Variants in XKR6 observed in about 807,000 individuals in gnomAD.
XKR6 encodes the protein XK-related protein 6.
XKR6 carries 22 observed loss-of-function variants against 56.7 expected under a neutral mutation model. The observed-to-expected ratio is 0.39, with a 90% CI of 0.28 to 0.55. The LOEUF is 0.55. Ranked by LOEUF, XKR6 falls within the 20% of genes least tolerant of loss-of-function variation. The pLI is 0.66. For synonymous variants in XKR6, 524 were observed against 387.8 expected (o/e 1.35, Z -4.13); for missense variants, 852 against 889.0 (o/e 0.96, Z 0.53).
At chr8:11,012,205 C>A (rs1270270855) in intron 1 of XKR6, among the ~76,000 whole-genome samples, 1 of 152,216 alleles carries the variant, frequency 6.6e-6, no homozygotes, top group Non-Finnish European at 1.5e-5. Context: ...CCCCACTCCC[C>A]AGCCCTGACA....
chr8:11,149,437 C>G (rs555123454), intron 1 of XKR6, among the ~76,000 whole-genome samples: 3 of 152,294 alleles, frequency 2.0e-5, no homozygotes, highest in African/African-American at 7.2e-5. Context: ...ACCAAAATGT[C>G]ATTATGCACC....
intron 1 of XKR6, among the ~76,000 whole-genome samples, chr8:11,076,323 G>A (rs1285469380): frequency 1.3e-5 from 2 of 152,132 alleles, no homozygotes; most frequent in African/African-American, 2.4e-5. Context: ...CAAGGTGAAT[G>A]TTCTTAACAC....
In XKR6 at chr8:11,083,015, G is replaced by T. The variant is rs537138789; in HGVS notation, c.764+117561C>A. On this transcript the variant is annotated intron_variant, in intron 1 of 2. Transcript: ENST00000416569. ...TCCCAGCCCTTTCTGCACAGGCAGC[G>T]CACAGCACTCCGTGTGCTTTAGAAT... Among the ~76,000 whole-genome samples, 8 of 152,296 alleles carry T rather than the reference G, an allele frequency of 5.3e-5. No individual in the cohort carries two copies. In the East Asian group the frequency reaches 1.4e-3, roughly 26 times the overall value.
intron 1 of XKR6, among the ~76,000 whole-genome samples, chr8:11,163,681 A>G (rs1801934311): frequency 6.6e-6 from 1 of 152,204 alleles, no homozygotes; most frequent in Non-Finnish European, 1.5e-5. Flanking sequence ...GCTACCCCAG[A>G]CCACATTTCT....
chr8:11,158,379 T>C (rs1801631250), intron 1 of XKR6, among the ~76,000 whole-genome samples: 1 of 152,112 alleles, frequency 6.6e-6, no homozygotes, highest in African/African-American at 2.4e-5. Flanking sequence ...CCACAAAGAC[T>C]ACAAGCAAGA....
chr8:10,903,768 C>G (rs1800107444), intron 2 of XKR6, among the ~76,000 whole-genome samples: 2 of 152,154 alleles, frequency 1.3e-5, no homozygotes, highest in Non-Finnish European at 2.9e-5. Flanking sequence ...CTTCTCAGAC[C>G]AGTAGCACCT....
chr8:11,030,940 C>T (rs945944920), intron 1 of XKR6, among the ~76,000 whole-genome samples: 1 of 152,154 alleles, frequency 6.6e-6, no homozygotes, highest in African/African-American at 2.4e-5. Flanking sequence ...ACTCTTATGA[C>T]CATTTTAAAT....
intron 1 of XKR6, among the ~76,000 whole-genome samples, chr8:11,112,988 G>C (rs749314819): frequency 3.9e-5 from 6 of 152,096 alleles, no homozygotes; most frequent in Non-Finnish European, 7.4e-5. Flanking sequence ...CTCCAGAAGA[G>C]AAACATGAAA....
At position 11,200,522 on chromosome 8, in the gene XKR6, G is replaced by A. The variant is rs1804152610; in HGVS notation, c.764+54C>T. Reference sequence around the variant, plus strand: ...GGGGCCGCCCCGCGAAGCACCGGGAGGGCGGAGGGGGGCTCCTCAGGGCCG... The same window carrying A: ...GGGGCCGCCCCGCGAAGCACCGGGAAGGCGGAGGGGGGCTCCTCAGGGCCG... On this transcript the variant is annotated intron_variant, in intron 1 of 2. Transcript: ENST00000416569. This position sits in a 1 kb window ranked among gnomAD's most constrained non-coding sequence, Gnocchi z 6.4. 2.1e-6 allele frequency: 3 copies of A among 1,398,558 alleles called. No individual in the cohort carries two copies. Among genetic ancestry groups the A allele is most frequent in the African/African-American group, 1.5e-5 (1 of 66,454 alleles). The allele number at this position is 1,398,558 out of a possible 1,614,324, so 86.6% of individuals were successfully genotyped here.
chr8:11,041,874 T>C (rs1799295218), intron 1 of XKR6, among the ~76,000 whole-genome samples: 1 of 152,120 alleles, frequency 6.6e-6, no homozygotes, highest in Non-Finnish European at 1.5e-5. Flanking sequence ...CCAACACATA[T>C]ACACACACAC....
At chr8:11,157,993 C>T (rs1382126431) in intron 1 of XKR6, among the ~76,000 whole-genome samples, 1 of 152,156 alleles carries the variant, frequency 6.6e-6, no homozygotes, top group Non-Finnish European at 1.5e-5. Flanking sequence ...GAGTCAATTG[C>T]AATTATGAAA....
At chr8:11,174,217 T>A (rs553882916) in intron 1 of XKR6, among the ~76,000 whole-genome samples, 1 of 152,222 alleles carries the variant, frequency 6.6e-6, no homozygotes, top group Non-Finnish European at 1.5e-5. Context: ...GAACCTCAAA[T>A]TGCATTAGGA....
At chr8:11,007,988 G>C (rs1026974688) in intron 1 of XKR6, among the ~76,000 whole-genome samples, 1 of 152,160 alleles carries the variant, frequency 6.6e-6, no homozygotes, top group Non-Finnish European at 1.5e-5. Context: ...CTGGATGTGT[G>C]GGTGCTCCCT....
In XKR6 at chr8:10,906,467, G is replaced by C. The variant is rs115503730; in HGVS notation, c.962-7551C>G. Among the ~76,000 whole-genome samples, 369 of 152,324 alleles carry C rather than the reference G, an allele frequency of 2.4e-3. 2 individuals carry two copies. Among genetic ancestry groups the C allele is most frequent in the African/African-American group, 8.3e-3 (347 of 41,578 alleles). On this transcript the variant is annotated intron_variant, in intron 2 of 2. Coordinates refer to ENST00000416569, the MANE Select transcript of XKR6 (RefSeq NM_173683.4). Reference sequence around the variant, plus strand: ...CAGAATTAAATACCTTAGTGCTAATGAGAAAGCAACAAAAAAAGCAATCTT... The same window carrying C: ...CAGAATTAAATACCTTAGTGCTAATCAGAAAGCAACAAAAAAAGCAATCTT...
chr8:11,142,428 C>A (rs1009754242), intron 1 of XKR6, among the ~76,000 whole-genome samples: 9 of 152,160 alleles, frequency 5.9e-5, no homozygotes, highest in African/African-American at 2.2e-4. Flanking sequence ...TTTAACCCCT[C>A]CAAATCTCAT....
intron 1 of XKR6, among the ~76,000 whole-genome samples, chr8:10,982,357 A>G (rs1390824876): frequency 6.6e-6 from 1 of 152,224 alleles, no homozygotes; most frequent in Non-Finnish European, 1.5e-5. Flanking sequence ...TCTGTCTAAG[A>G]TGTCATAGGA....
At chr8:10,908,766 G>A (rs1474189677) in intron 2 of XKR6, among the ~76,000 whole-genome samples, 1 of 152,198 alleles carries the variant, frequency 6.6e-6, no homozygotes, top group Non-Finnish European at 1.5e-5. Flanking sequence ...AAGAGGTGGG[G>A]CCTTCAAGAG....
At chr8:11,072,877 C>T (rs1358472032) in intron 1 of XKR6, among the ~76,000 whole-genome samples, 1 of 152,084 alleles carries the variant, frequency 6.6e-6, no homozygotes, top group East Asian at 1.9e-4. Context: ...TGGTGAAACC[C>T]CATCTCTACT....
intron 1 of XKR6, among the ~76,000 whole-genome samples, chr8:11,141,556 C>A (rs1167110810): frequency 6.6e-6 from 1 of 152,230 alleles, no homozygotes; most frequent in Non-Finnish European, 1.5e-5. Context: ...AGAAACAAGT[C>A]AGACGCATAC....
Sources: gnomAD v4.1 joint callset for allele counts (sites outside exome capture counted in the v4.1 genomes callset) on GRCh38, gnomAD v4.1.1 for gene constraint, Gnocchi (gnomAD v3.1) non-coding constraint, MANE v1.5 for transcripts, NCBI Gene and HGNC (gene_info 2026-07-23, HGNC 2026-07-21) for gene names.